Variants in PCDHA8 observed in about 807,000 individuals in gnomAD.
PCDHA8 encodes protocadherin alpha 8.
A neutral mutation model predicts 61.8 loss-of-function variants in PCDHA8; 53 were observed. That is an observed-to-expected ratio of 0.86 (90% CI 0.69 to 1.08). The LOEUF is 1.08. Among genes scored for constraint, PCDHA8 ranks in the 50% least tolerant of loss-of-function variants. The pLI is 0.00. For synonymous variants in PCDHA8, 618 were observed against 556.6 expected, an observed-to-expected ratio of 1.11 and a Z score of -1.55; for missense variants, 1,293 against 1,245.0, an observed-to-expected ratio of 1.04 and a Z score of -0.58.
intron 1 of PCDHA8, among the ~76,000 whole-genome samples, chr5:140,916,315 A>C (rs1554197391): frequency 3.9e-5 from 6 of 152,204 alleles, no homozygotes; most frequent in Non-Finnish European, 8.8e-5. Context: ...GGTGCAAGAC[A>C]AAGTCCCCTT....
intron 1 of PCDHA8, chr5:140,875,761 G>T (rs373515339): frequency 8.7e-6 from 14 of 1,614,236 alleles, no homozygotes; most frequent in Non-Finnish European, 1.1e-5. Context: ...GAAGCTGTGC[G>T]GGCGGAGCGC....
chr5:140,926,958 C>G (rs782614627), intron 1 of PCDHA8: 3 of 1,603,116 alleles, frequency 1.9e-6, no homozygotes, highest in Admixed American at 1.7e-5. Context: ...CGGGACAGCT[C>G]GAGTACTCAG....
chr5:140,980,363 G>A (rs1477868054), intron 2 of PCDHA8, among the ~76,000 whole-genome samples: 1 of 152,204 alleles, frequency 6.6e-6, no homozygotes, highest in Non-Finnish European at 1.5e-5. Context: ...TGGGCGCGGT[G>A]GCTCACACCT....
chr5:140,876,925 C>G (rs1554169109), intron 1 of PCDHA8: 1 of 1,613,838 alleles, frequency 6.2e-7, no homozygotes, highest in South Asian at 1.1e-5. Flanking sequence ...CGCGGACGCG[C>G]AGAAGAACGC....
chr5:140,992,807 C>T (rs781970284), intron 3 of PCDHA8, among the ~76,000 whole-genome samples: 2 of 152,226 alleles, frequency 1.3e-5, no homozygotes, highest in African/African-American at 4.8e-5. Flanking sequence ...CCATATGTAT[C>T]TAAGGATGTG....
rs574487083 is a variant in PCDHA8 at position 140,915,476 on chromosome 5, T to C, written c.2395-63473T>C. Among the ~76,000 whole-genome samples the C allele has an allele frequency of 2.0e-5, 3 of 152,296 alleles. No homozygotes were observed. The South Asian group carries it at 6.2e-4, about 32-fold the overall frequency. On this transcript the variant is annotated intron_variant, in intron 1 of 3. Transcript: ENST00000531613. ...CCAGAAGGTTTTTATTTGAAGGAGC[T>C]TGGGCCTCAATCCCAATAATACTGT...
intron 1 of PCDHA8, among the ~76,000 whole-genome samples, chr5:140,937,181 G>A (rs573153234): frequency 5.3e-5 from 8 of 151,984 alleles, no homozygotes; most frequent in African/African-American, 1.9e-4. Context: ...GGGACTACAG[G>A]CGCCCGCCAC....
intron 1 of PCDHA8, among the ~76,000 whole-genome samples, chr5:140,924,916 T>A (rs551375956): frequency 7.0e-4 from 85 of 122,004 alleles, no homozygotes; most frequent in East Asian, 2.6e-3. Context: ...TAAAATAAAA[T>A]AAAATAAAAT....
chr5:140,842,740 C>T lies in PCDHA8; in HGVS notation c.1419C>T (p.His473=). 2 of 1,595,054 alleles carry T rather than the reference C, an allele frequency of 1.3e-6. No individual in the cohort carries two copies. Among genetic ancestry groups the T allele is most frequent in the Non-Finnish European group, 1.7e-6 (2 of 1,165,450 alleles). The change falls in exon 1 of 4, where the codon CAC becomes CAT. Residue 473 remains histidine, a synonymous_variant. Transcript: ENST00000531613. The stretch of plus-strand genomic sequence containing the variant: ...AGGAGAACAACCCGCCGGGCTGCCA[C>T]ATCTTCACGGTGTCTGCGCGAGACG... The part of the protein sequence containing the change: ...FVKENNPPGC[H]IFTVSARDAD...
At chr5:140,863,416 C>G (rs782237036) in intron 1 of PCDHA8, 14 of 719,640 alleles carry the variant, frequency 1.9e-5, no homozygotes, top group African/African-American at 3.6e-5. Context: ...GCTGGTGTAC[C>G]GCAGCGTAGT....
chr5:140,870,206 T>G (rs1554163904), intron 1 of PCDHA8: 2 of 1,614,182 alleles, frequency 1.2e-6, no homozygotes, highest in Admixed American at 3.3e-5. Flanking sequence ...AGCACGGTCA[T>G]TGCCCTGATC....
chr5:140,975,679 A>G (rs1312259048), intron 1 of PCDHA8, among the ~76,000 whole-genome samples: 1 of 152,250 alleles, frequency 6.6e-6, no homozygotes, highest in Non-Finnish European at 1.5e-5. Context: ...TATTAATAAA[A>G]TAGGGTATTT....
chr5:140,935,280 G>A (rs1039041502), intron 1 of PCDHA8, among the ~76,000 whole-genome samples: 2 of 152,114 alleles, frequency 1.3e-5, no homozygotes, highest in Admixed American at 6.5e-5. Context: ...ATCTAATAAA[G>A]TTCAGCACTC....
chr5:140,969,325 A>G (rs1490022353), intron 1 of PCDHA8: 1 of 1,614,000 alleles, frequency 6.2e-7, no homozygotes, highest in Non-Finnish European at 8.5e-7. Context: ...CTGTTTCTCA[A>G]AATGAGGTGA....
intron 3 of PCDHA8, among the ~76,000 whole-genome samples, chr5:141,007,567 CA>C (rs1489201842): frequency 6.6e-6 from 1 of 151,954 alleles, no homozygotes; most frequent in Non-Finnish European, 1.5e-5. Flanking sequence ...GGCTCTATCT[CA>C]AATTTAAAAA....
At chr5:140,948,865 C>T (rs1358865868) in intron 1 of PCDHA8, among the ~76,000 whole-genome samples, 4 of 151,324 alleles carry the variant, frequency 2.6e-5, no homozygotes, top group African/African-American at 4.8e-5. Flanking sequence ...TATATTACTT[C>T]GGGTTTACTT....
chr5:141,006,384 T>C, intron 3 of PCDHA8, among the ~76,000 whole-genome samples: 2 of 152,126 alleles, frequency 1.3e-5, no homozygotes, highest in South Asian at 4.2e-4. Flanking sequence ...GCTAAGTTTT[T>C]TCTATTTTTT....
intron 1 of PCDHA8, chr5:140,928,782 T>C (rs2085522837): frequency 6.2e-7 from 1 of 1,614,030 alleles, no homozygotes; most frequent in East Asian, 2.2e-5. Context: ...CTGATGCAGT[T>C]AAGCAGAGGG....
intron 1 of PCDHA8, chr5:140,857,587 C>T: frequency 1.3e-6 from 2 of 1,596,526 alleles, no homozygotes; most frequent in South Asian, 2.2e-5. Context: ...ACGCGGAGAG[C>T]GGCAAGGTGT....
Sources: allele counts gnomAD v4.1 joint callset (sites outside exome capture counted in the v4.1 genomes callset), GRCh38; gene constraint gnomAD v4.1.1; transcripts MANE v1.5; gene names NCBI Gene and HGNC (gene_info 2026-07-23, HGNC 2026-07-21).